Variants in UBE2Q2 observed in about 807,000 individuals in gnomAD.
The protein encoded by UBE2Q2 is ubiquitin conjugating enzyme E2 Q2, also known as ubiquitin-conjugating enzyme E2 Q2.
A neutral mutation model predicts 59.9 loss-of-function variants in UBE2Q2; 54 were observed. The ratio of observed to expected loss-of-function variants is 0.90; its 90% confidence interval spans 0.72 to 1.13. The LOEUF is 1.13. Ranked by LOEUF, UBE2Q2 falls within the 50% of genes most tolerant of loss-of-function variation. The pLI is 0.00. For synonymous variants in UBE2Q2, 165 were observed against 155.2 expected, an observed-to-expected ratio of 1.06 and a Z score of -0.47; for missense variants, 433 against 441.9, an observed-to-expected ratio of 0.98 and a Z score of 0.18.
At chr15:75,858,399 G>T (rs1897029685) in intron 2 of UBE2Q2, among the ~76,000 whole-genome samples, 1 of 152,110 alleles carries the variant, frequency 6.6e-6, no homozygotes, top group African/African-American at 2.4e-5. Flanking sequence ...GGGACAAAAT[G>T]AAATAATCAA....
At chr15:75,853,211 C>T (rs1418473324) in intron 1 of UBE2Q2, among the ~76,000 whole-genome samples, 1 of 152,164 alleles carries the variant, frequency 6.6e-6, no homozygotes, top group South Asian at 2.1e-4. Context: ...GTGGCTCACG[C>T]CTGTAATCCC....
chr15:75,868,516 A>G (rs531848279), intron 3 of UBE2Q2, among the ~76,000 whole-genome samples: 58 of 152,316 alleles, frequency 3.8e-4, no homozygotes, highest in Non-Finnish European at 7.4e-4. Flanking sequence ...ATGTAAGGCA[A>G]TTGAATTTAT....
chr15:75,876,772 A>G (rs1310959289), intron 6 of UBE2Q2, among the ~76,000 whole-genome samples: 1 of 152,160 alleles, frequency 6.6e-6, no homozygotes, highest in Non-Finnish European at 1.5e-5. Flanking sequence ...TATGACTTGA[A>G]TGTTATGGAA....
In UBE2Q2 at chr15:75,899,548, G is replaced by A; in HGVS notation, c.*90G>A. ...AAAAGCTTTGAGTGCCCCTATTACAGCAGTACCGAAGATGTTAGTTAATAG... is the reference window on the plus strand; with the variant it reads ...AAAAGCTTTGAGTGCCCCTATTACAACAGTACCGAAGATGTTAGTTAATAG... On this transcript the variant is annotated 3_prime_UTR_variant, in exon 13 of 13. Coordinates refer to ENST00000267938, the MANE Select transcript of UBE2Q2 (RefSeq NM_173469.4). 2 of 1,064,522 alleles carry A rather than the reference G, an allele frequency of 1.9e-6. No individual in the cohort carries two copies. The highest frequency in any genetic ancestry group is 2.8e-6 in the Non-Finnish European group (2 of 717,694). 65.9% of individuals were successfully genotyped at this position (1,064,522 alleles called of 1,614,324 possible).
intron 7 of UBE2Q2, 105 bp from the exon 8 acceptor site, chr15:75,878,993 C>T: frequency 2.8e-6 from 2 of 706,724 alleles, no homozygotes; most frequent in South Asian, 2.4e-5. Context: ...GGAACTTGCC[C>T]TAGGTGCTCT....
chr15:75,853,541 G>A (rs1287616074), intron 1 of UBE2Q2, among the ~76,000 whole-genome samples: 2 of 151,776 alleles, frequency 1.3e-5, no homozygotes, highest in African/African-American at 2.4e-5. Flanking sequence ...TATATATGTA[G>A]TAATGGCATT....
At chr15:75,845,947 A>C (rs1896322768) in intron 1 of UBE2Q2, among the ~76,000 whole-genome samples, 1 of 152,356 alleles carries the variant, frequency 6.6e-6, no homozygotes, top group East Asian at 1.9e-4. Context: ...AATGGCACCC[A>C]CCGCTAGGTA....
intron 5 of UBE2Q2, 48 bp from the exon 6 acceptor site, chr15:75,876,139 A>T: frequency 1.3e-6 from 2 of 1,562,396 alleles, no homozygotes; most frequent in East Asian, 2.2e-5. Context: ...GAAATATCTT[A>T]AATCTTAGCT....
chr15:75,887,581 T>C (rs1261762610), intron 9 of UBE2Q2, among the ~76,000 whole-genome samples: 1 of 147,918 alleles, frequency 6.8e-6, no homozygotes, highest in Non-Finnish European at 1.5e-5. Flanking sequence ...TTTTTTTTTT[T>C]CCCCCTCTGC....
intron 4 of UBE2Q2, among the ~76,000 whole-genome samples, chr15:75,872,533 CTTTTTTTT>C (rs374099581): frequency 8.7e-6 from 1 of 114,794 alleles, no homozygotes; most frequent in Non-Finnish European, 1.8e-5. Flanking sequence ...TTTTCTTTTC[CTTTTTTTT>C]TTTTTTTTTT....
At chr15:75,895,955 C>T (rs1899397957) in intron 11 of UBE2Q2, among the ~76,000 whole-genome samples, 1 of 152,092 alleles carries the variant, frequency 6.6e-6, no homozygotes, top group Non-Finnish European at 1.5e-5. Context: ...ATTGAGAAAC[C>T]CTGATGTCCA....
chr15:75,844,680 G>T, intron 1 of UBE2Q2: 1 of 552,146 alleles, frequency 1.8e-6, no homozygotes. Flanking sequence ...AGGAATTGAA[G>T]TATTAAGTTT....
At chr15:75,860,625 G>A (rs911894990) in intron 3 of UBE2Q2, among the ~76,000 whole-genome samples, 1 of 151,896 alleles carries the variant, frequency 6.6e-6, no homozygotes, top group Non-Finnish European at 1.5e-5. Context: ...TCCTTTCTTG[G>A]TGCAGCTTTT....
intron 3 of UBE2Q2, 142 bp from the exon 4 acceptor site, chr15:75,868,809 T>C: frequency 1.7e-6 from 1 of 590,748 alleles, no homozygotes; most frequent in Admixed American, 2.7e-5. Context: ...GATTTAAAGA[T>C]AAACATTTTA....
chr15:75,899,303 A>G lies in UBE2Q2; in HGVS notation c.1097-124A>G, dbSNP rs28607641. ...AAATATATATATAATATATATATAT[A>G]TTTTTTACGGTAGATTTTAAACACC... On this transcript the variant is annotated intron_variant, in intron 12 of 12. Coordinates refer to ENST00000267938, the MANE Select transcript of UBE2Q2 (RefSeq NM_173469.4). 2.0e-5 allele frequency: 6 copies of G among 295,772 alleles called. No homozygotes were observed. In the Middle Eastern group the frequency reaches 3.6e-3, roughly 178 times the overall value. 18.3% of individuals were successfully genotyped at this position (295,772 alleles called of 1,614,324 possible). A position where few individuals can be genotyped will look rare whatever the true frequency, so the allele number is the denominator to read the frequency against.
intron 1 of UBE2Q2, among the ~76,000 whole-genome samples, chr15:75,853,909 C>T (rs1442355193): frequency 6.6e-6 from 1 of 152,168 alleles, no homozygotes; most frequent in Non-Finnish European, 1.5e-5. Flanking sequence ...CCATGTAGGT[C>T]TCTCCATAGG....
At chr15:75,885,456 A>C (rs2141654562) in intron 9 of UBE2Q2, among the ~76,000 whole-genome samples, 1 of 152,364 alleles carries the variant, frequency 6.6e-6, no homozygotes, top group South Asian at 2.1e-4. Flanking sequence ...GGGGACTGCA[A>C]GGTTTTGGGA....
Position 75,843,620 on chromosome 15 carries a change from G to C in UBE2Q2, c.-47G>C. 6.6e-7 allele frequency: 1 copy of C among 1,515,172 alleles called. No homozygotes were observed. The highest frequency in any genetic ancestry group is 8.8e-7 in the Non-Finnish European group (1 of 1,131,854). 93.9% of individuals were successfully genotyped at this position (1,515,172 alleles called of 1,614,324 possible). Reference sequence around the variant, plus strand: ...CGGCTCCGGGCCCGGCTCCCCTTCCGCGCCCGGCTCCCCTTCCGCGCCCCT... The same window carrying C: ...CGGCTCCGGGCCCGGCTCCCCTTCCCCGCCCGGCTCCCCTTCCGCGCCCCT... On this transcript the variant is annotated 5_prime_UTR_variant, in exon 1 of 13. Coordinates refer to ENST00000267938, the MANE Select transcript of UBE2Q2 (RefSeq NM_173469.4).
chr15:75,846,027 T>C (rs1425108917), intron 1 of UBE2Q2, among the ~76,000 whole-genome samples: 1 of 152,230 alleles, frequency 6.6e-6, no homozygotes, highest in Non-Finnish European at 1.5e-5. Context: ...TGGCAGCTGC[T>C]CAGTACAAAT....
Sources: gnomAD v4.1 joint callset for allele counts (sites outside exome capture counted in the v4.1 genomes callset) on GRCh38, gnomAD v4.1.1 for gene constraint, MANE v1.5 for transcripts, NCBI Gene and HGNC (gene_info 2026-07-23, HGNC 2026-07-21) for gene names.